SLC25A21: variants seen among roughly 807,000 people sequenced by gnomAD.
The protein encoded by SLC25A21 is solute carrier family 25 member 21.
Under a neutral mutation model 43.8 loss-of-function variants are expected in SLC25A21, and 47 were observed. The ratio of observed to expected loss-of-function variants is 1.07; its 90% CI spans 0.85 to 1.37. The LOEUF (loss-of-function observed/expected upper bound fraction) is 1.37, where lower values mean the gene tolerates loss of function less well. SLC25A21 is among the 40% of genes most tolerant of loss of function. SLC25A21 has a pLI of 0.00. For synonymous variants in SLC25A21, 131 were observed against 121.3 expected (o/e 1.08, Z -0.52); for missense variants, 352 against 350.2 (o/e 1.00, Z -0.04).
chr14:36,824,230 G>A (rs1888737001), intron 2 of SLC25A21, among the ~76,000 whole-genome samples: 2 of 152,128 alleles, frequency 1.3e-5, no homozygotes, highest in South Asian at 4.1e-4. Flanking sequence ...GCATTCATAA[G>A]CATAATTGCT....
intron 3 of SLC25A21, among the ~76,000 whole-genome samples, chr14:36,737,482 A>C (rs1885089957): frequency 6.6e-6 from 1 of 152,122 alleles, no homozygotes; most frequent in Admixed American, 6.5e-5. Flanking sequence ...CTGAGCTTCC[A>C]AATTGAGAAT....
intron 1 of SLC25A21, among the ~76,000 whole-genome samples, chr14:36,918,358 T>A (rs1415171165): frequency 1.2e-4 from 19 of 152,178 alleles, no homozygotes; most frequent in Admixed American, 1.0e-3. Flanking sequence ...TGGAATGCCA[T>A]GATTTTCCCT....
intron 6 of SLC25A21, among the ~76,000 whole-genome samples, chr14:36,713,168 A>T (rs1883966770): frequency 6.6e-6 from 1 of 152,224 alleles, no homozygotes; most frequent in South Asian, 2.1e-4. Flanking sequence ...CTCCGAGGCC[A>T]TCTAAGTTTT....
At chr14:37,038,703 T>G (rs1168366243) in intron 1 of SLC25A21, among the ~76,000 whole-genome samples, 1 of 152,180 alleles carries the variant, frequency 6.6e-6, no homozygotes, top group Non-Finnish European at 1.5e-5. Flanking sequence ...ATGCTGCATT[T>G]AATTCCAATT....
At chr14:36,872,499 C>T (rs1309160507) in intron 2 of SLC25A21, among the ~76,000 whole-genome samples, 15 of 152,168 alleles carry the variant, frequency 9.9e-5, no homozygotes, top group Admixed American at 9.8e-4. Flanking sequence ...TTGATGTCAT[C>T]TCTCTGTTAG....
intron 1 of SLC25A21, among the ~76,000 whole-genome samples, chr14:37,171,005 G>C (rs1224502026): frequency 6.6e-6 from 1 of 151,138 alleles, no homozygotes; most frequent in Non-Finnish European, 1.5e-5. Context: ...TGGGAGGATT[G>C]CTTGAACCCG....
chr14:36,969,021 T>A (rs1959685309), intron 1 of SLC25A21, among the ~76,000 whole-genome samples: 1 of 152,238 alleles, frequency 6.6e-6, no homozygotes, highest in African/African-American at 2.4e-5. Flanking sequence ...TTTAATTTTT[T>A]AATTATGAAG....
At chr14:37,010,515 G>A (rs978419256) in intron 1 of SLC25A21, among the ~76,000 whole-genome samples, 2 of 152,140 alleles carry the variant, frequency 1.3e-5, no homozygotes, top group African/African-American at 4.8e-5. Context: ...TGCTAAACTG[G>A]CAGCAGGCAG....
At chr14:37,081,999 G>A (rs1962397815) in intron 1 of SLC25A21, among the ~76,000 whole-genome samples, 1 of 152,068 alleles carries the variant, frequency 6.6e-6, no homozygotes, top group Non-Finnish European at 1.5e-5. Context: ...TCCAAAGATA[G>A]TGGTAAAAAA....
chr14:36,898,685 A>G (rs750376108), intron 1 of SLC25A21, among the ~76,000 whole-genome samples: 7 of 152,006 alleles, frequency 4.6e-5, no homozygotes, highest in Admixed American at 6.6e-5. Context: ...CCATCCCCCA[A>G]TCTCACTTAT....
chr14:36,896,747 C>A (rs1891250997), intron 1 of SLC25A21, among the ~76,000 whole-genome samples: 1 of 152,154 alleles, frequency 6.6e-6, no homozygotes, highest in African/African-American at 2.4e-5. Context: ...GTGACAAAAT[C>A]TCTCAGCATT....
At chr14:37,097,896 T>TA (rs35315213) in intron 1 of SLC25A21, 120,669 of 150,694 alleles carry the variant, frequency 0.8, 50,938 homozygotes, top group South Asian at 0.94. Context: ...AAAAAAAAAA[T>TA]AATAATCAAT....
intron 1 of SLC25A21, among the ~76,000 whole-genome samples, chr14:36,922,537 C>G (rs566528875): frequency 0.013 from 1,018 of 80,814 alleles, 10 homozygotes; most frequent in African/African-American, 0.045. Context: ...CATAAAGGCC[C>G]TCTTTTTTTT....
chr14:37,108,334 T>G (rs1207255826), intron 1 of SLC25A21, among the ~76,000 whole-genome samples: 1 of 152,172 alleles, frequency 6.6e-6, no homozygotes, highest in Admixed American at 6.5e-5. Flanking sequence ...AAAAAAAAAT[T>G]TATGATAGAA....
At chr14:36,706,695 C>G (rs765242711) in intron 7 of SLC25A21, among the ~76,000 whole-genome samples, 44 of 152,172 alleles carry the variant, frequency 2.9e-4, no homozygotes, top group Non-Finnish European at 6.0e-4. Flanking sequence ...GAACCCCCTA[C>G]TTTTCTCAAC....
rs182978578 is a variant in SLC25A21, at chr14:36,923,112, A to G, written c.71-48108T>C. On this transcript the variant is annotated intron_variant, in intron 1 of 9. Transcript: ENST00000331299. Reference sequence around the variant, plus strand: ...GGGAAACTATAAATCATGTATTTAAAAAGCTGAAAAAAAATTCCAAGGAGA... The same window carrying G: ...GGGAAACTATAAATCATGTATTTAAGAAGCTGAAAAAAAATTCCAAGGAGA... 4.3e-3 allele frequency among the ~76,000 whole-genome samples: 654 copies of G among 152,278 alleles called. 6 individuals are homozygous for G. The highest frequency in any genetic ancestry group is 0.015 in the African/African-American group (620 of 41,578).
At chr14:36,979,790 A>C (rs1959977571) in intron 1 of SLC25A21, among the ~76,000 whole-genome samples, 2 of 152,216 alleles carry the variant, frequency 1.3e-5, no homozygotes, top group African/African-American at 4.8e-5. Flanking sequence ...GTGTAAATTA[A>C]TCATGGTGTT....
intron 1 of SLC25A21, among the ~76,000 whole-genome samples, chr14:36,940,074 A>G (rs1892518926): frequency 6.6e-6 from 1 of 152,166 alleles, no homozygotes; most frequent in African/African-American, 2.4e-5. Context: ...ATGAGAATCT[A>G]ATAAAGAATG....
chr14:37,004,316 A>G (rs957565626), intron 1 of SLC25A21, among the ~76,000 whole-genome samples: 1 of 152,208 alleles, frequency 6.6e-6, no homozygotes, highest in Non-Finnish European at 1.5e-5. Context: ...GTTGACATCT[A>G]TTATTTATAA....
Sources: gnomAD v4.1 joint callset for allele counts (sites outside exome capture counted in the v4.1 genomes callset) on GRCh38, gnomAD v4.1.1 for gene constraint, MANE v1.5 for transcripts, NCBI Gene and HGNC (gene_info 2026-07-23, HGNC 2026-07-21) for gene names.